GSDME: variants seen among roughly 807,000 people sequenced by gnomAD.
GSDME encodes gasdermin-E.
Under a neutral mutation model 47.5 loss-of-function variants are expected in GSDME, and 44 were observed. The observed-to-expected ratio is 0.93, with a 90% CI of 0.73 to 1.19. The LOEUF (loss-of-function observed/expected upper bound fraction) is 1.19, where lower values mean the gene tolerates loss of function less well. Ranked by LOEUF, GSDME falls within the 50% of genes most tolerant of loss-of-function variation. The probability of loss-of-function intolerance (pLI) is 0.00; values close to 1 mark genes in which losing one functional copy is unlikely to be tolerated. For synonymous variants in GSDME, 258 were observed against 252.8 expected, an observed-to-expected ratio of 1.02 and a Z score of -0.20; for missense variants, 663 against 604.2, an observed-to-expected ratio of 1.10 and a Z score of -1.02.
the GSDME span, among the ~76,000 whole-genome samples, chr7:24,773,625 G>A: frequency 1.3e-5 from 2 of 152,198 alleles, no homozygotes; most frequent in Non-Finnish European, 2.9e-5. The surrounding 1 kb of genome is among the most constrained non-coding windows in gnomAD (Gnocchi z 5.4). Context: ...TAACTTGTCA[G>A]TATAGCTCCC....
chr7:24,718,382 A>G (rs1789648587), intron 4 of GSDME, among the ~76,000 whole-genome samples: 1 of 152,252 alleles, frequency 6.6e-6, no homozygotes, highest in African/African-American at 2.4e-5. Flanking sequence ...GTACTGGCTC[A>G]CAGATCAGCT....
At chr7:24,707,066 C>A (rs1377340654) in intron 7 of GSDME, among the ~76,000 whole-genome samples, 2 of 152,240 alleles carry the variant, frequency 1.3e-5, no homozygotes, top group African/African-American at 4.8e-5. Flanking sequence ...CTCCCTGGAG[C>A]TGAGCTCCCC....
the GSDME span, among the ~76,000 whole-genome samples, chr7:24,766,214 T>C: frequency 6.5e-4 from 98 of 151,404 alleles, 1 homozygote; most frequent in South Asian, 1.5e-3. This position sits in a 1 kb window ranked among gnomAD's most constrained non-coding sequence, Gnocchi z 4.2. Flanking sequence ...TGTGTGTGTG[T>C]GCATGTTTGC....
intron 5 of GSDME, 184 bp downstream of exon 5, chr7:24,717,070 C>T (rs761978877): frequency 1.2e-5 from 8 of 679,118 alleles, no homozygotes; most frequent in East Asian, 2.8e-5. Flanking sequence ...CTCACCACAC[C>T]CCTCCCCCAG....
chr7:24,766,183 T>TTGTGTGTGTGTG, the GSDME span, among the ~76,000 whole-genome samples: 1,783 of 144,594 alleles, frequency 0.012, 34 homozygotes, highest in East Asian at 0.084. This position sits in a 1 kb window ranked among gnomAD's most constrained non-coding sequence, Gnocchi z 4.2. Context: ...ATTACATTAT[T>TTGTGTGTGTGTG]TGTGTGTGTG....
rs549086709 is a variant in GSDME, at chr7:24,716,140, A to C, written c.697+1114T>G. Among the ~76,000 whole-genome samples, 2 of 152,326 alleles carry C rather than the reference A, an allele frequency of 1.3e-5. No homozygotes were observed. The highest frequency in any genetic ancestry group is 4.1e-4 in the South Asian group (2 of 4,826). On this transcript the variant is annotated intron_variant, in intron 5 of 9. Transcript: ENST00000645220. The surrounding 1 kb of genome is among the most constrained non-coding windows in gnomAD (Gnocchi z 4.5). ...TGGGGGAGAAGCAGGAGGCAGCAGC[A>C]GGCATGTGCGTGGTCTATCACGGCC... is the stretch of plus-strand genomic sequence containing the variant.
rs542695009 is a variant in GSDME, at chr7:24,721,405, C to G, written c.405-2187G>C. Among the ~76,000 whole-genome samples the G allele has an allele frequency of 1.6e-4, 25 of 152,320 alleles. No individual in the cohort carries two copies. Among genetic ancestry groups the G allele is most frequent in the African/African-American group, 5.8e-4 (24 of 41,564 alleles). ...GAGAGACTCCATTTCCAGGAAGGAACAGGAAACAGGGACCCTGGAGCCTGC... is the reference window on the plus strand; with the variant it reads ...GAGAGACTCCATTTCCAGGAAGGAAGAGGAAACAGGGACCCTGGAGCCTGC... On this transcript the variant is annotated intron_variant, in intron 3 of 9. Coordinates refer to ENST00000645220, the MANE Select transcript of GSDME (RefSeq NM_001127453.2). This position sits in a 1 kb window ranked among gnomAD's most constrained non-coding sequence, Gnocchi z 4.1.
the GSDME span, among the ~76,000 whole-genome samples, chr7:24,770,571 G>A: frequency 1.6e-4 from 24 of 152,280 alleles, no homozygotes; most frequent in African/African-American, 4.8e-4. The surrounding 1 kb of genome is among the most constrained non-coding windows in gnomAD (Gnocchi z 4.6). Flanking sequence ...AACTCTGGGA[G>A]TTGATTTCAG....
chr7:24,718,219 C>T (rs934645179), intron 4 of GSDME, among the ~76,000 whole-genome samples: 1 of 152,234 alleles, frequency 6.6e-6, no homozygotes, highest in Non-Finnish European at 1.5e-5. Flanking sequence ...CAGACCTCTA[C>T]CTCCAGCTCC....
rs1790621454 is a variant in GSDME at position 24,745,030 on chromosome 7, TGTGTGG to T, written c.212-282_212-277del. On this transcript the variant is annotated intron_variant, in intron 2 of 9. Transcript: ENST00000645220. The surrounding 1 kb of genome is among the most constrained non-coding windows in gnomAD (Gnocchi z 4.4). ...GTGTGTGTGTGTGTGTGTGTGTGTG[TGTGTGG>T]ACCACGGGCACACAGTGGACCAGTG... 2.3e-5 allele frequency among the ~76,000 whole-genome samples: 3 copies of T among 131,202 alleles called. No homozygotes were observed. The highest frequency in any genetic ancestry group is 2.6e-4 in the South Asian group (1 of 3,776). 86.1% of individuals were successfully genotyped at this position (131,202 alleles called of 152,430 possible).
At chr7:24,769,712 T>G in the GSDME span, among the ~76,000 whole-genome samples, 1 of 152,064 alleles carries the variant, frequency 6.6e-6, no homozygotes, top group Admixed American at 6.6e-5. Context: ...TGTTCAGCTT[T>G]CAACAAAAAA....
the GSDME span, among the ~76,000 whole-genome samples, chr7:24,779,393 C>A: frequency 2.0e-5 from 3 of 152,046 alleles, no homozygotes; most frequent in African/African-American, 7.2e-5. This position sits in a 1 kb window ranked among gnomAD's most constrained non-coding sequence, Gnocchi z 6.0. Flanking sequence ...CCTGAATAAT[C>A]CTCCAGTTTC....
chr7:24,744,655 C>G lies in GSDME; in HGVS notation c.311G>C (p.Gly104Ala), dbSNP rs371071175. 5 of 1,614,206 alleles carry G rather than the reference C, an allele frequency of 3.1e-6. No individual in the cohort carries two copies. Among genetic ancestry groups the G allele is most frequent in the South Asian group, 2.2e-5 (2 of 91,086 alleles). The change falls in exon 3 of 10, where the codon GGG (glycine) becomes GCG (alanine). Residue 104 changes from glycine to alanine, a missense_variant. By Grantham distance (60) the Gly-to-Ala change is moderately conservative. Coordinates refer to ENST00000645220, the MANE Select transcript of GSDME (RefSeq NM_001127453.2). The surrounding 1 kb of genome is among the most constrained non-coding windows in gnomAD (Gnocchi z 4.5). ...CTGGCTCTCTACGCGGCTGCTGCCC[C>G]CCAGGTTCAGCTTGACCTTCCCCAG... ...TALGKVKLNL[G>A]GSSRVESQSS... is the part of the protein sequence containing the mutation.
At chr7:24,787,052 G>A in the GSDME span, among the ~76,000 whole-genome samples, 1 of 152,114 alleles carries the variant, frequency 6.6e-6, no homozygotes, top group African/African-American at 2.4e-5. The surrounding 1 kb of genome is among the most constrained non-coding windows in gnomAD (Gnocchi z 5.0). Context: ...GCCTCCTCTG[G>A]TTCCCTTAAC....
chr7:24,709,550 G>A (rs77638835), intron 6 of GSDME, among the ~76,000 whole-genome samples: 2,447 of 151,936 alleles, frequency 0.016, 78 homozygotes, highest in African/African-American at 0.056. Context: ...CCAAGCCAGC[G>A]CGCACACGGA....
intron 9 of GSDME, among the ~76,000 whole-genome samples, chr7:24,701,059 C>T (rs1180468973): frequency 6.6e-6 from 1 of 152,174 alleles, no homozygotes; most frequent in Non-Finnish European, 1.5e-5. Context: ...GCACTGTACT[C>T]CCAAAAGCCC....
At position 24,706,245 on chromosome 7, in the gene GSDME, G is replaced by C. The variant is rs138980048; in HGVS notation, c.1122C>G (p.Pro374=). Residue 374 remains proline, a synonymous_variant, in exon 8 of 10, where the codon CCC becomes CCG. Coordinates refer to ENST00000645220, the MANE Select transcript of GSDME (RefSeq NM_001127453.2). ...GCSLQGGCPG[P]EDAGSKQLFM... ...ACAGCTGCTTGCTGCCTGCATCCTC[G>C]GGGCCCGGACACCCACCCTGTAAGC... 9.9e-6 allele frequency: 16 copies of C among 1,614,190 alleles called. No individual in the cohort carries two copies. Among genetic ancestry groups the C allele is most frequent in the Non-Finnish European group, 1.4e-5 (16 of 1,180,038 alleles).
intron 6 of GSDME, among the ~76,000 whole-genome samples, chr7:24,709,083 A>G (rs1228571039): frequency 6.6e-6 from 1 of 152,246 alleles, no homozygotes; most frequent in Non-Finnish European, 1.5e-5. Flanking sequence ...AGCCCCACGC[A>G]GAGGAACACA....
intron 3 of GSDME, among the ~76,000 whole-genome samples, chr7:24,730,835 A>T (rs1445858478): frequency 2.6e-5 from 4 of 152,166 alleles, no homozygotes; most frequent in African/African-American, 9.7e-5. Flanking sequence ...ATAAAAAAAT[A>T]AAAAATGAAA....
Sources: gnomAD v4.1 joint callset for allele counts (sites outside exome capture counted in the v4.1 genomes callset) on GRCh38, gnomAD v4.1.1 for gene constraint, Gnocchi (gnomAD v3.1) non-coding constraint, MANE v1.5 for transcripts, NCBI Gene and HGNC (gene_info 2026-07-23, HGNC 2026-07-21) for gene names.